Variants in CHCHD7 observed in about 807,000 individuals in gnomAD.
The protein encoded by CHCHD7 is coiled-coil-helix-coiled-coil-helix domain-containing protein 7.
In CHCHD7, 7 loss-of-function variants were observed where a neutral mutation model predicts 10.5. The observed-to-expected ratio is 0.67, with a 90% confidence interval of 0.38 to 1.25. The LOEUF (loss-of-function observed/expected upper bound fraction) is 1.25. CHCHD7 is among the 50% of genes most tolerant of loss of function. The pLI is 0.02. For missense variants in CHCHD7, 100 were observed against 104.5 expected, an observed-to-expected ratio of 0.96 and a Z score of 0.19; for synonymous variants, 40 against 36.0, an observed-to-expected ratio of 1.11 and a Z score of -0.40.
intron 1 of CHCHD7, chr8:56,212,649 C>G: frequency 1.9e-6 from 1 of 538,066 alleles, no homozygotes; most frequent in Non-Finnish European, 3.3e-6. Flanking sequence ...AGCCTTGTAA[C>G]ATTTATTTAG....
chr8:56,216,950 A>G (rs915787757), intron 3 of CHCHD7: 4 of 449,604 alleles, frequency 8.9e-6, no homozygotes, highest in South Asian at 4.3e-5. Flanking sequence ...AAACATTGGT[A>G]TATAATTTCT....
Position 56,216,739 on chromosome 8 carries a change from T to C in CHCHD7, c.153+208T>C, listed in dbSNP as rs1371413779. The C allele has an allele frequency of 5.7e-6, 4 of 707,170 alleles. No individual in the cohort carries two copies. In the South Asian group the frequency reaches 6.0e-5, roughly 11 times the overall value. The allele number at this position is 707,170 out of a possible 1,614,324, so 43.8% of individuals were successfully genotyped here. On this transcript the variant is annotated intron_variant, in intron 3 of 3. Transcript: ENST00000355315. Reference sequence around the variant, plus strand: ...CTCGTCGTCCTCTAAGCTATAAGAATGCAGTTTTAATATAGGTGGGTCTTC... The same window carrying C: ...CTCGTCGTCCTCTAAGCTATAAGAACGCAGTTTTAATATAGGTGGGTCTTC...
At chr8:56,212,700 A>G (rs1813078605) in intron 1 of CHCHD7, 1 of 616,862 alleles carries the variant, frequency 1.6e-6, no homozygotes, top group Non-Finnish European at 2.9e-6. Context: ...TTAGCGGAGC[A>G]CTCGATGTTG....
chr8:56,216,987 A>G (rs1813386359), intron 3 of CHCHD7: 2 of 425,426 alleles, frequency 4.7e-6, no homozygotes, highest in African/African-American at 4.0e-5. Context: ...GGATCCAGCT[A>G]TTTCCTTTCG....
intron 1 of CHCHD7, chr8:56,212,205 C>T (rs1490826410): frequency 1.3e-5 from 2 of 153,040 alleles, no homozygotes; most frequent in Non-Finnish European, 2.9e-5. Flanking sequence ...CGTCCAGGAT[C>T]AGATGCTGAC....
At chr8:56,214,493 C>G in intron 1 of CHCHD7, 105 bp from the exon 2 acceptor site, 1 of 739,982 alleles carries the variant, frequency 1.4e-6, no homozygotes, top group Non-Finnish European at 2.3e-6. Flanking sequence ...ACTAAGTGAT[C>G]ATTATGCCAA....
At position 56,214,622 on chromosome 8, in the gene CHCHD7, G is replaced by C. The variant is rs767184686; in HGVS notation, c.9G>C (p.Ser3=). Residue 3 remains serine, a synonymous_variant, in exon 2 of 4, where the codon TCG becomes TCC. Coordinates refer to ENST00000355315, the MANE Select transcript of CHCHD7 (RefSeq NM_001011671.3). MP[S]VTQRLRDPDI... ...GTAAGAAGACTGTTAGAATGCCCTCGGTAACACAGAGGCTGAGAGATCCTG... is the reference window on the plus strand; with the variant it reads ...GTAAGAAGACTGTTAGAATGCCCTCCGTAACACAGAGGCTGAGAGATCCTG... 2.5e-6 allele frequency: 4 copies of C among 1,612,770 alleles called. No homozygotes were observed. The South Asian group carries it at 3.3e-5, about 13-fold the overall frequency.
intron 1 of CHCHD7, chr8:56,212,761 GTTAA>G: frequency 1.2e-6 from 1 of 805,796 alleles, no homozygotes; most frequent in South Asian, 1.5e-5. Context: ...TTCAATTCCA[GTTAA>G]TACACGAGGA....
At chr8:56,216,358 A>G (rs1813341091) in intron 2 of CHCHD7, 75 bp from the exon 3 acceptor site, 1 of 1,586,482 alleles carries the variant, frequency 6.3e-7, no homozygotes, top group Non-Finnish European at 8.6e-7. Context: ...CTGGGGAAGC[A>G]GCTTTTGTTT....
intron 1 of CHCHD7, 93 bp from the exon 2 acceptor site, chr8:56,214,505 A>G (rs1188862350): frequency 1.1e-6 from 1 of 873,284 alleles, no homozygotes; most frequent in Non-Finnish European, 1.8e-6. Flanking sequence ...TTATGCCAAA[A>G]TCAAAATTTC....
At chr8:56,213,476 C>G (rs975940377) in intron 1 of CHCHD7, 1 of 152,124 alleles carries the variant, frequency 6.6e-6, no homozygotes, top group African/African-American at 2.4e-5. Context: ...ACTGCAACCT[C>G]TGCTTCCCAA....
intron 1 of CHCHD7, chr8:56,212,615 C>T: frequency 4.8e-6 from 2 of 414,038 alleles, no homozygotes; most frequent in Admixed American, 4.2e-5. Flanking sequence ...GTTTTTCTTT[C>T]TGGTTATGCT....
chr8:56,216,674 CT>C, intron 3 of CHCHD7, 143 bp downstream of exon 3: 1 of 870,160 alleles, frequency 1.1e-6, no homozygotes. Context: ...CTGTGTGCTA[CT>C]TTAGCCGTGA....
At chr8:56,215,641 C>T (rs573703125) in intron 2 of CHCHD7, 29 of 152,384 alleles carry the variant, frequency 1.9e-4, no homozygotes, top group African/African-American at 7.0e-4. Flanking sequence ...TTGCCCATTG[C>T]TCATCTCCTG....
chr8:56,214,400 C>CT, intron 1 of CHCHD7, 198 bp from the exon 2 acceptor site: 2 of 460,750 alleles, frequency 4.3e-6, no homozygotes, highest in Non-Finnish European at 7.9e-6. Context: ...AATATATGGC[C>CT]TTTGTGTTGA....
rs1005965448 is a variant in CHCHD7, at chr8:56,218,547, C to G, written c.*1112C>G. ...GTCTGTCTGAGTCTAAAACCAAGCT[C>G]AGGTTTCTAAGCCACATGACCTTGA... is the stretch of plus-strand genomic sequence containing the variant. On this transcript the variant is annotated 3_prime_UTR_variant, in exon 4 of 4. Coordinates refer to ENST00000355315, the MANE Select transcript of CHCHD7 (RefSeq NM_001011671.3). 9.4e-6 allele frequency: 2 copies of G among 212,594 alleles called. No homozygotes were observed. The highest frequency in any genetic ancestry group is 3.7e-4 in the South Asian group (2 of 5,352). The allele number at this position is 212,594 out of a possible 1,614,324, so 13.2% of individuals were successfully genotyped here.
intron 2 of CHCHD7, 144 bp downstream of exon 2, chr8:56,214,811 A>G (rs1813248462): frequency 1.8e-6 from 1 of 558,828 alleles, no homozygotes; most frequent in East Asian, 2.8e-5. Context: ...CTATTTAACT[A>G]GAGCATTTTT....
At chr8:56,212,925 A>G (rs1563405381) in intron 1 of CHCHD7, 1 of 1,528,118 alleles carries the variant, frequency 6.5e-7, no homozygotes, top group Non-Finnish European at 9.1e-7. Context: ...ATTTTTGAAG[A>G]ATTTCTGACT....
Position 56,214,623 on chromosome 8 carries a change from G to A in CHCHD7, c.10G>A (p.Val4Ile). The A allele has an allele frequency of 6.2e-7, 1 of 1,613,208 alleles. No individual in the cohort carries two copies. Among genetic ancestry groups the A allele is most frequent in the Non-Finnish European group, 8.5e-7 (1 of 1,179,352 alleles). Residue 4 changes from valine (V) to isoleucine (I), a missense_variant, in exon 2 of 4, where the codon GTA becomes ATA. Val to Ile is a conservative substitution (Grantham distance 29, BLOSUM62 3). Coordinates refer to ENST00000355315, the MANE Select transcript of CHCHD7 (RefSeq NM_001011671.3). MPS[V>I]TQRLRDPDIN... ...TAAGAAGACTGTTAGAATGCCCTCGGTAACACAGAGGCTGAGAGATCCTGA... is the reference window on the plus strand; with the variant it reads ...TAAGAAGACTGTTAGAATGCCCTCGATAACACAGAGGCTGAGAGATCCTGA...
Sources: gnomAD v4.1 joint callset for allele counts on GRCh38, gnomAD v4.1.1 for gene constraint, MANE v1.5 for transcripts, NCBI Gene and HGNC (gene_info 2026-07-23, HGNC 2026-07-21) for gene names.